Variants in CTNNA3 observed in about 807,000 individuals in gnomAD.
CTNNA3 encodes the protein catenin alpha-3.
Under a neutral mutation model 95.7 loss-of-function variants are expected in CTNNA3, and 76 were observed. The ratio of observed to expected loss-of-function variants is 0.79; its 90% confidence interval spans 0.66 to 0.96. CTNNA3 has a LOEUF of 0.96. CTNNA3 is among the 40% of genes least tolerant of loss of function. The pLI, the probability that CTNNA3 is intolerant of heterozygous loss-of-function variation, is 0.00. For missense variants in CTNNA3, 1,191 were observed against 1,089.8 expected (o/e 1.09, Z -1.31); for synonymous variants, 431 against 374.4 (o/e 1.15, Z -1.74).
chr10:66,412,496 T>C (rs1211626634), intron 11 of CTNNA3, among the ~76,000 whole-genome samples: 1 of 147,122 alleles, frequency 6.8e-6, no homozygotes, highest in African/African-American at 2.5e-5. Context: ...AGTCTCACTC[T>C]GTGGCCCAGG....
intron 11 of CTNNA3, among the ~76,000 whole-genome samples, chr10:66,402,650 C>A (rs965952443): frequency 3.3e-5 from 5 of 152,084 alleles, no homozygotes; most frequent in African/African-American, 1.2e-4. Flanking sequence ...GATGGAAATT[C>A]TAGGAACCTA....
intron 7 of CTNNA3, among the ~76,000 whole-genome samples, chr10:67,152,908 C>T (rs1485449032): frequency 6.6e-6 from 1 of 151,878 alleles, no homozygotes; most frequent in Non-Finnish European, 1.5e-5. Context: ...CTACCATAGG[C>T]GAGGCACTGT....
intron 1 of CTNNA3, chr10:67,648,768 C>T: frequency 7.8e-7 from 1 of 1,289,686 alleles, no homozygotes; most frequent in Non-Finnish European, 1.0e-6. Context: ...GCGTTGATTT[C>T]ATTCTCCTTC....
At chr10:66,389,620 T>A (rs149113480) in intron 11 of CTNNA3, among the ~76,000 whole-genome samples, 52 of 152,250 alleles carry the variant, frequency 3.4e-4, no homozygotes, top group African/African-American at 1.2e-3. Flanking sequence ...TCTGGCTAAC[T>A]CCATCTTCAG....
At chr10:67,054,030 T>A (rs1163996640) in intron 7 of CTNNA3, among the ~76,000 whole-genome samples, 1 of 152,276 alleles carries the variant, frequency 6.6e-6, no homozygotes, top group South Asian at 2.1e-4. Flanking sequence ...ACTGACCAGT[T>A]TCCTTAATTC....
At position 66,688,031 on chromosome 10, in the gene CTNNA3, A is replaced by G. The variant is rs80190164; in HGVS notation, c.1282-66247T>C. On this transcript the variant is annotated intron_variant, in intron 9 of 17. Transcript: ENST00000433211. ...TGAGAAGCTGTTTTGAGGGTAAAAGATCCTAGAAATAAAAAATATATGGTA... is the reference window on the plus strand; with the variant it reads ...TGAGAAGCTGTTTTGAGGGTAAAAGGTCCTAGAAATAAAAAATATATGGTA... Among the ~76,000 whole-genome samples the G allele has an allele frequency of 6.7e-3, 1,018 of 152,248 alleles. 8 individuals carry two copies. Among genetic ancestry groups the G allele is most frequent in the African/African-American group, 0.023 (961 of 41,546 alleles).
chr10:67,714,934 G>A (rs986196740), intron 1 of CTNNA3, among the ~76,000 whole-genome samples: 2 of 152,150 alleles, frequency 1.3e-5, no homozygotes, highest in Non-Finnish European at 2.9e-5. Flanking sequence ...CACCATGATT[G>A]TGAGGCCTCC....
At chr10:67,648,756 T>C (rs1589532103) in intron 1 of CTNNA3, 1 of 1,289,776 alleles carries the variant, frequency 7.8e-7, no homozygotes, top group South Asian at 1.2e-5. Context: ...TCTCTCTCCT[T>C]TGCGTTGATT....
At chr10:67,364,507 A>C (rs1284574357) in intron 5 of CTNNA3, among the ~76,000 whole-genome samples, 4 of 151,722 alleles carry the variant, frequency 2.6e-5, no homozygotes, top group Admixed American at 2.6e-4. Context: ...AAGGGTATTC[A>C]ATTAGGATAC....
chr10:67,110,312 A>G (rs1858856495), intron 7 of CTNNA3, among the ~76,000 whole-genome samples: 1 of 152,204 alleles, frequency 6.6e-6, no homozygotes. Context: ...ATTGTTCTGT[A>G]TTCCAATTAA....
intron 13 of CTNNA3, among the ~76,000 whole-genome samples, chr10:66,112,247 G>C (rs975199382): frequency 6.6e-6 from 1 of 152,126 alleles, no homozygotes; most frequent in Non-Finnish European, 1.5e-5. Context: ...GTGTCTAACG[G>C]TGCCTGGCAC....
intron 14 of CTNNA3, among the ~76,000 whole-genome samples, chr10:66,084,135 C>CAAAAAAAAAAAAAAAAAAAAAAA (rs200266418): frequency 1.2e-5 from 1 of 80,104 alleles, no homozygotes; most frequent in Non-Finnish European, 2.6e-5. Flanking sequence ...AACTTCATCT[C>CAAAAAAAAAAAAAAAAAAAAAAA]AAAAAAAAAA....
intron 15 of CTNNA3, among the ~76,000 whole-genome samples, chr10:66,049,060 C>A (rs1487678971): frequency 1.3e-5 from 2 of 152,086 alleles, no homozygotes; most frequent in African/African-American, 4.8e-5. Context: ...GGTCCAATAT[C>A]CAGCATCTAT....
At chr10:66,061,716 A>G (rs1485448550) in intron 15 of CTNNA3, among the ~76,000 whole-genome samples, 2 of 151,912 alleles carry the variant, frequency 1.3e-5, no homozygotes, top group African/African-American at 4.8e-5. Flanking sequence ...GCTGGCCTCC[A>G]TTCTCATGAA....
chr10:66,374,716 G>GCAATTCT (rs1172950706), intron 12 of CTNNA3, among the ~76,000 whole-genome samples: 1 of 143,342 alleles, frequency 7.0e-6, no homozygotes, highest in Non-Finnish European at 1.5e-5. Flanking sequence ...CTGGGTTCAA[G>GCAATTCT]CAATTCTCCT....
At chr10:66,433,262 C>T (rs1033197369) in intron 11 of CTNNA3, among the ~76,000 whole-genome samples, 1 of 152,174 alleles carries the variant, frequency 6.6e-6, no homozygotes, top group South Asian at 2.1e-4. Context: ...TACACTCCCA[C>T]CAACAGTATA....
intron 5 of CTNNA3, among the ~76,000 whole-genome samples, chr10:67,391,664 G>C (rs1295550962): frequency 6.7e-6 from 1 of 149,426 alleles, no homozygotes; most frequent in African/African-American, 2.5e-5. Flanking sequence ...ATACTACAAG[G>C]CTACAGTAAC....
intron 13 of CTNNA3, among the ~76,000 whole-genome samples, chr10:66,219,220 A>G (rs12763629): frequency 0.079 from 11,987 of 151,982 alleles, 603 homozygotes; most frequent in Admixed American, 0.13. Context: ...TTTGTGGGGT[A>G]TCGGGGGTGG....
intron 14 of CTNNA3, among the ~76,000 whole-genome samples, chr10:66,073,440 A>G (rs10996876): frequency 0.24 from 35,854 of 151,998 alleles, 4,268 homozygotes; most frequent in Admixed American, 0.26. Context: ...CTCCTTTCCA[A>G]TACTGTGATC....
Sources: allele counts gnomAD v4.1 joint callset (sites outside exome capture counted in the v4.1 genomes callset), GRCh38; gene constraint gnomAD v4.1.1; transcripts MANE v1.5; gene names NCBI Gene and HGNC (gene_info 2026-07-23, HGNC 2026-07-21).